The following DTNB variants were observed in gnomAD, a reference collection of about 807,000 sequenced individuals.
DTNB encodes the protein DTN-B.
A neutral mutation model predicts 90.7 loss-of-function variants in DTNB; 63 were observed. The observed-to-expected ratio is 0.69, with a 90% CI of 0.57 to 0.86. DTNB has a LOEUF of 0.86. Ranked by LOEUF, DTNB falls within the 40% of genes least tolerant of loss-of-function variation. The pLI is 0.00. For synonymous variants in DTNB, 277 were observed against 286.7 expected (o/e 0.97, Z 0.34); for missense variants, 744 against 807.1 (o/e 0.92, Z 0.95).
At chr2:25,484,223 C>T (rs1156428808) in intron 9 of DTNB, among the ~76,000 whole-genome samples, 1 of 152,166 alleles carries the variant, frequency 6.6e-6, no homozygotes, top group Non-Finnish European at 1.5e-5. Flanking sequence ...GAATGCATCC[C>T]CCATTGTTAA....
chr2:25,596,502 A>C (rs1409628391), intron 5 of DTNB: 4 of 246,298 alleles, frequency 1.6e-5, no homozygotes, highest in Non-Finnish European at 2.3e-5. Context: ...CCTACTTTTG[A>C]GTGTTTAAAA....
chr2:25,394,351 G>A (rs774342177), intron 16 of DTNB, among the ~76,000 whole-genome samples: 5 of 151,906 alleles, frequency 3.3e-5, no homozygotes, highest in African/African-American at 4.8e-5. Flanking sequence ...CTCCATGACC[G>A]AGAACCCAAA....
chr2:25,526,352 AATATATATAAAT>A (rs1291606980), intron 9 of DTNB, among the ~76,000 whole-genome samples: 1 of 103,714 alleles, frequency 9.6e-6, no homozygotes, highest in African/African-American at 4.6e-5. Flanking sequence ...AGCACTTATA[AATATATATAAAT>A]ATATATATAT....
intron 20 of DTNB, 143 bp downstream of exon 20, chr2:25,379,147 G>C (rs2036777499): frequency 9.1e-6 from 7 of 771,948 alleles, no homozygotes; most frequent in African/African-American, 1.8e-5. Context: ...GGTGGGCAAA[G>C]GGAAGGGACA....
intron 4 of DTNB, among the ~76,000 whole-genome samples, chr2:25,618,475 A>T (rs2071446099): frequency 6.6e-6 from 1 of 152,236 alleles, no homozygotes; most frequent in Admixed American, 6.5e-5. Flanking sequence ...CTTCCAATGT[A>T]AAGTCCAAGT....
chr2:25,482,091 TAGAA>T, intron 10 of DTNB, among the ~76,000 whole-genome samples: 1 of 152,220 alleles, frequency 6.6e-6, no homozygotes, highest in East Asian at 1.9e-4. Context: ...TGATGACTGT[TAGAA>T]AGAATTCTTT....
intron 5 of DTNB, among the ~76,000 whole-genome samples, chr2:25,604,032 A>G (rs921727260): frequency 1.3e-5 from 2 of 152,236 alleles, no homozygotes; most frequent in African/African-American, 4.8e-5. Context: ...CTTATTTTAA[A>G]TAGAATGCTA....
chr2:25,405,983 A>C (rs2045041984), intron 16 of DTNB, among the ~76,000 whole-genome samples: 1 of 152,106 alleles, frequency 6.6e-6, no homozygotes, highest in South Asian at 2.1e-4. Flanking sequence ...AAAGAGGGAG[A>C]GCAACTTTTG....
At chr2:25,633,216 C>T (rs904730080) in intron 3 of DTNB, among the ~76,000 whole-genome samples, 2 of 151,992 alleles carry the variant, frequency 1.3e-5, no homozygotes, top group South Asian at 4.2e-4. Flanking sequence ...GATGCCGAGC[C>T]GAAGCTGGAC....
intron 16 of DTNB, among the ~76,000 whole-genome samples, chr2:25,408,008 T>G (rs1476967975): frequency 6.6e-6 from 1 of 151,822 alleles, no homozygotes; most frequent in African/African-American, 2.4e-5. Context: ...TCACTTGAAG[T>G]CAAGAGTTTG....
intron 8 of DTNB, among the ~76,000 whole-genome samples, chr2:25,566,104 T>C (rs2058989255): frequency 6.6e-6 from 1 of 152,246 alleles, no homozygotes; most frequent in African/African-American, 2.4e-5. Flanking sequence ...CATATTTCTC[T>C]GGCTGGTTGC....
At chr2:25,524,420 G>A (rs1014708374) in intron 9 of DTNB, among the ~76,000 whole-genome samples, 2 of 102,662 alleles carry the variant, frequency 1.9e-5, no homozygotes, top group Non-Finnish European at 4.3e-5. Context: ...TTTTTTTTTT[G>A]GTGGGGGGGG....
chr2:25,653,727 G>C (rs560109098), intron 1 of DTNB, among the ~76,000 whole-genome samples: 3 of 152,028 alleles, frequency 2.0e-5, no homozygotes, highest in South Asian at 2.1e-4. Flanking sequence ...AGCCAGGCTG[G>C]TCTCGAACTC....
chr2:25,477,371 C>T lies in DTNB; in HGVS notation c.1079+5425G>A, dbSNP rs539468813. Among the ~76,000 whole-genome samples the T allele has an allele frequency of 2.8e-4, 42 of 152,164 alleles. No individual in the cohort carries two copies. In the South Asian group the frequency reaches 8.1e-3, roughly 29 times the overall value. On this transcript the variant is annotated intron_variant, in intron 10 of 20. Coordinates refer to ENST00000406818, the MANE Select transcript of DTNB (RefSeq NM_021907.5). ...TATATTAACTCATCTCTTAATTTGG[C>T]CATGTTTTTACAGTTCAGAAATAAT...
chr2:25,435,931 T>G (rs1015584464), intron 12 of DTNB, among the ~76,000 whole-genome samples: 1 of 152,258 alleles, frequency 6.6e-6, no homozygotes, highest in African/African-American at 2.4e-5. Flanking sequence ...ATGACTAGTA[T>G]GTTGAGCGTA....
At chr2:25,661,517 A>G (rs932993608) in intron 1 of DTNB, among the ~76,000 whole-genome samples, 1 of 152,220 alleles carries the variant, frequency 6.6e-6, no homozygotes, top group Admixed American at 6.5e-5. Context: ...TACTATACAA[A>G]TCAGGACAGC....
chr2:25,567,644 A>G (rs1295897152), intron 8 of DTNB, among the ~76,000 whole-genome samples: 1 of 152,226 alleles, frequency 6.6e-6, no homozygotes, highest in Non-Finnish European at 1.5e-5. Flanking sequence ...ACTATCAACC[A>G]GTCAGTTACA....
At chr2:25,547,060 G>T (rs1331566226) in intron 8 of DTNB, among the ~76,000 whole-genome samples, 1 of 152,012 alleles carries the variant, frequency 6.6e-6, no homozygotes, top group Non-Finnish European at 1.5e-5. Context: ...CATTGCCCAG[G>T]CTGGTCTTAA....
intron 8 of DTNB, among the ~76,000 whole-genome samples, chr2:25,576,294 C>T (rs548555123): frequency 2.8e-5 from 4 of 143,984 alleles, no homozygotes; most frequent in African/African-American, 5.2e-5. Context: ...GGCGCAATCT[C>T]GGCTCACTGC....
Sources: allele counts gnomAD v4.1 joint callset (sites outside exome capture counted in the v4.1 genomes callset), GRCh38; gene constraint gnomAD v4.1.1; transcripts MANE v1.5; gene names NCBI Gene and HGNC (gene_info 2026-07-23, HGNC 2026-07-21).